Variants in SH3PXD2A observed in about 807,000 individuals in gnomAD.
SH3PXD2A encodes the protein SH3 and PX domain-containing protein 2A.
Under a neutral mutation model 115.2 loss-of-function variants are expected in SH3PXD2A, and 32 were observed. That is an observed-to-expected ratio of 0.28 (90% CI 0.21 to 0.37). The LOEUF (loss-of-function observed/expected upper bound fraction) is 0.37. Among genes scored for constraint, SH3PXD2A ranks in the 10% least tolerant of loss-of-function variants. SH3PXD2A has a pLI of 1.00. For missense variants in SH3PXD2A, 1,328 were observed against 1,498.7 expected, an observed-to-expected ratio of 0.89 and a Z score of 1.88; for synonymous variants, 610 against 629.1, an observed-to-expected ratio of 0.97 and a Z score of 0.45.
chr10:103,661,627 C>A (rs2037304888), intron 7 of SH3PXD2A: 1 of 982,720 alleles, frequency 1.0e-6, no homozygotes, highest in East Asian at 1.1e-4. Flanking sequence ...TGCCCCCAAC[C>A]CCTGCAAACC....
chr10:103,809,260 C>T (rs562882014), intron 1 of SH3PXD2A, among the ~76,000 whole-genome samples: 33 of 152,142 alleles, frequency 2.2e-4, no homozygotes, highest in Non-Finnish European at 4.3e-4. Flanking sequence ...TACACACTCA[C>T]GGGTTGACTA....
chr10:103,716,539 A>C (rs2038106829), intron 5 of SH3PXD2A, among the ~76,000 whole-genome samples: 1 of 152,252 alleles, frequency 6.6e-6, no homozygotes, highest in African/African-American at 2.4e-5. Flanking sequence ...TGGCTTCAGC[A>C]GGAAGAAACA....
chr10:103,732,358 T>C (rs2038330867), intron 4 of SH3PXD2A, among the ~76,000 whole-genome samples: 1 of 152,238 alleles, frequency 6.6e-6, no homozygotes, highest in Non-Finnish European at 1.5e-5. Flanking sequence ...CACGTTTCCG[T>C]TTAAATTAAT....
chr10:103,836,038 A>T (rs1248935651), intron 1 of SH3PXD2A, among the ~76,000 whole-genome samples: 1 of 152,100 alleles, frequency 6.6e-6, no homozygotes, highest in African/African-American at 2.4e-5. Flanking sequence ...TGAGTGAGTG[A>T]CTCAGCCTTT....
chr10:103,659,617 C>T lies in SH3PXD2A; in HGVS notation c.604+1366G>A, dbSNP rs558050831. ...AGGAGCCCAGTGTGGGCACCTGGGA[C>T]GAAAGGTTGAGGCCTCACAGCAGGG... On this transcript the variant is annotated intron_variant, in intron 8 of 14. Coordinates refer to ENST00000369774, the MANE Select transcript of SH3PXD2A (RefSeq NM_001394015.1). Among the ~76,000 whole-genome samples, 8 of 152,242 alleles carry T rather than the reference C, an allele frequency of 5.3e-5. No homozygotes were observed. The South Asian group carries it at 1.0e-3, about 20-fold the overall frequency.
chr10:103,650,195 C>T (rs989012393), intron 8 of SH3PXD2A, among the ~76,000 whole-genome samples: 5 of 151,866 alleles, frequency 3.3e-5, no homozygotes, highest in African/African-American at 1.2e-4. Context: ...AGCTCAGCAG[C>T]GGCAGCAGCT....
chr10:103,713,735 G>A (rs2038072250), intron 5 of SH3PXD2A, among the ~76,000 whole-genome samples: 1 of 152,222 alleles, frequency 6.6e-6, no homozygotes, highest in South Asian at 2.1e-4. Flanking sequence ...ATCAGCAGCT[G>A]TTATAAGCCC....
At chr10:103,660,573 G>A (rs2037279794) in intron 8 of SH3PXD2A, among the ~76,000 whole-genome samples, 1 of 152,178 alleles carries the variant, frequency 6.6e-6, no homozygotes, top group African/African-American at 2.4e-5. Flanking sequence ...TGACAGCAGG[G>A]CCTGCCTTCC....
At chr10:103,706,259 T>C (rs1267233107) in intron 5 of SH3PXD2A, among the ~76,000 whole-genome samples, 1 of 152,218 alleles carries the variant, frequency 6.6e-6, no homozygotes, top group East Asian at 1.9e-4. Flanking sequence ...GGCTGCCTCC[T>C]GGTGGTTCTG....
At chr10:103,804,425 C>T (rs2039178895) in intron 1 of SH3PXD2A, among the ~76,000 whole-genome samples, 1 of 149,574 alleles carries the variant, frequency 6.7e-6, no homozygotes, top group Admixed American at 6.8e-5. Flanking sequence ...GGGTTCACGC[C>T]ATTCTCCTGC....
intron 2 of SH3PXD2A, 85 bp from the exon 3 acceptor site, chr10:103,767,254 A>C: frequency 9.9e-7 from 1 of 1,005,614 alleles, no homozygotes; most frequent in Non-Finnish European, 1.6e-6. Flanking sequence ...CCACTGCTCC[A>C]GGGCCCCAGT....
chr10:103,656,385 G>A (rs1466454684), intron 8 of SH3PXD2A, among the ~76,000 whole-genome samples: 1 of 152,238 alleles, frequency 6.6e-6, no homozygotes, highest in Admixed American at 6.5e-5. Flanking sequence ...GAGAACCAGA[G>A]GTCAAACTCA....
chr10:103,670,765 T>C (rs1241773529), intron 6 of SH3PXD2A, among the ~76,000 whole-genome samples: 1 of 152,238 alleles, frequency 6.6e-6, no homozygotes, highest in Non-Finnish European at 1.5e-5. Flanking sequence ...GGAGCAATGC[T>C]GGCCCAGCTT....
chr10:103,678,269 CCT>C (rs1396835266), intron 6 of SH3PXD2A: 4 of 623,650 alleles, frequency 6.4e-6, no homozygotes, highest in Non-Finnish European at 1.0e-5. Flanking sequence ...AGACCAATCC[CCT>C]GAGCGCTGAG....
At chr10:103,753,317 CAAAAAAAAAAAA>C (rs60364879) in intron 3 of SH3PXD2A, among the ~76,000 whole-genome samples, 4 of 62,854 alleles carry the variant, frequency 6.4e-5, no homozygotes, top group South Asian at 6.4e-4. Context: ...CTGCCTCTAC[CAAAAAAAAAAAA>C]AAAAAAAAAA....
At chr10:103,850,545 AT>A (rs1253887215) in intron 1 of SH3PXD2A, among the ~76,000 whole-genome samples, 1 of 152,094 alleles carries the variant, frequency 6.6e-6, no homozygotes, top group East Asian at 1.9e-4. Context: ...CTAGGATCCT[AT>A]TTGACCTTGC....
chr10:103,814,853 G>A lies in SH3PXD2A; in HGVS notation c.73-13491C>T, dbSNP rs181846709. 3.0e-3 allele frequency among the ~76,000 whole-genome samples: 462 copies of A among 152,264 alleles called. 3 individuals are homozygous for A. The highest frequency in any genetic ancestry group is 9.7e-3 in the African/African-American group (403 of 41,566). ...GACAACATGTCAGACCATTTCTGAC[G>A]GCCCCAATAAAATGGGGTGGTGACT... On this transcript the variant is annotated intron_variant, in intron 1 of 14. Transcript: ENST00000369774.
chr10:103,655,250 G>A (rs549717515), intron 8 of SH3PXD2A, among the ~76,000 whole-genome samples: 1 of 152,316 alleles, frequency 6.6e-6, no homozygotes, highest in South Asian at 2.1e-4. Context: ...TGGTTCACTG[G>A]AGCCAAACTC....
chr10:103,675,245 T>C (rs1470779073), intron 6 of SH3PXD2A, among the ~76,000 whole-genome samples: 2 of 152,238 alleles, frequency 1.3e-5, no homozygotes, highest in Admixed American at 6.5e-5. Context: ...GATTTAATGC[T>C]CTTCTGTCAG....
Sources: allele counts gnomAD v4.1 joint callset (sites outside exome capture counted in the v4.1 genomes callset), GRCh38; gene constraint gnomAD v4.1.1; transcripts MANE v1.5; gene names NCBI Gene and HGNC (gene_info 2026-07-23, HGNC 2026-07-21).